C2CD3: variants seen among roughly 807,000 people sequenced by gnomAD.
The protein encoded by C2CD3 is C2 domain containing 3 centriole elongation regulator, also known as C2 domain-containing protein 3.
C2CD3 carries 148 observed loss-of-function variants against 234.0 expected under a neutral mutation model. The ratio of observed to expected loss-of-function variants is 0.63; its 90% CI spans 0.55 to 0.72. The LOEUF (loss-of-function observed/expected upper bound fraction) is 0.72, where lower values mean the gene tolerates loss of function less well. Ranked by LOEUF, C2CD3 falls within the 30% of genes least tolerant of loss-of-function variation. The pLI is 0.00. For missense variants in C2CD3, 2,577 were observed against 2,811.5 expected, an observed-to-expected ratio of 0.92 and a Z score of 1.89; for synonymous variants, 1,000 against 1,035.4, an observed-to-expected ratio of 0.97 and a Z score of 0.66.
At chr11:74,104,760 G>A (rs367727592) in intron 13 of C2CD3, among the ~76,000 whole-genome samples, 7 of 152,054 alleles carry the variant, frequency 4.6e-5, no homozygotes, top group East Asian at 1.9e-4. Flanking sequence ...CTGTTTCTTC[G>A]ATCTGAAATC....
Position 74,033,522 on chromosome 11 carries a change from G to C in C2CD3, c.6638C>G (p.Ala2213Gly), listed in dbSNP as rs775579972. ...AGAGTCACCGAGCTCACTGGTGGCAGCTTCATTCTCAGCTGGGGCCTCTGA... is the reference window on the plus strand; with the variant it reads ...AGAGTCACCGAGCTCACTGGTGGCACCTTCATTCTCAGCTGGGGCCTCTGA... Reference protein sequence around the residue: ...PKSEAPAENEAATSELGDSAD... With the variant: ...PKSEAPAENEGATSELGDSAD... The change falls in exon 31 of 33, where the codon GCT becomes GGT. Residue 2213 changes from alanine to glycine, a missense_variant. Coordinates refer to ENST00000334126, the MANE Select transcript of C2CD3 (RefSeq NM_001286577.2). The C allele has an allele frequency of 6.5e-7, 1 of 1,536,200 alleles. No homozygotes were observed. The highest frequency in any genetic ancestry group is 8.7e-7 in the Non-Finnish European group (1 of 1,146,918).
chr11:74,021,388 G>A (rs952118236), intron 32 of C2CD3, among the ~76,000 whole-genome samples: 9 of 152,244 alleles, frequency 5.9e-5, no homozygotes, highest in Non-Finnish European at 8.8e-5. Context: ...TGTTAAATTT[G>A]AGACATCTAT....
chr11:74,145,498 T>A (rs1855118743), intron 3 of C2CD3, among the ~76,000 whole-genome samples: 2 of 152,176 alleles, frequency 1.3e-5, no homozygotes. Flanking sequence ...TATTTTCTCT[T>A]ATTCTGTAGG....
chr11:74,060,196 G>A (rs942151035), intron 24 of C2CD3, among the ~76,000 whole-genome samples: 1 of 152,244 alleles, frequency 6.6e-6, no homozygotes, highest in African/African-American at 2.4e-5. Context: ...TGGGGGCAGG[G>A]CATAGCTGAA....
intron 7 of C2CD3, among the ~76,000 whole-genome samples, chr11:74,125,041 C>T (rs940120404): frequency 3.9e-5 from 6 of 152,234 alleles, no homozygotes; most frequent in South Asian, 2.1e-4. Flanking sequence ...ATACACATAC[C>T]TATTTTGAAA....
intron 13 of C2CD3, among the ~76,000 whole-genome samples, chr11:74,105,272 A>AT (rs780307644): frequency 4.7e-4 from 69 of 147,428 alleles, no homozygotes; most frequent in South Asian, 1.5e-3. Context: ...GGCTGTGATG[A>AT]TTTTTTTTTT....
At chr11:74,137,726 A>C (rs1957915203) in intron 5 of C2CD3, among the ~76,000 whole-genome samples, 1 of 151,970 alleles carries the variant, frequency 6.6e-6, no homozygotes, top group African/African-American at 2.4e-5. Context: ...TTGGGACTAC[A>C]GGCACCTACC....
chr11:74,157,398 T>C (rs2135565076), intron 3 of C2CD3, among the ~76,000 whole-genome samples: 1 of 152,300 alleles, frequency 6.6e-6, no homozygotes, highest in East Asian at 1.9e-4. Flanking sequence ...TGCAAATTTA[T>C]ATCATCAACA....
rs147822921 is a variant in C2CD3, at chr11:74,082,690, C to T, written c.4000+2191G>A. Among the ~76,000 whole-genome samples, 240 of 152,054 alleles carry T rather than the reference C, an allele frequency of 1.6e-3. 4 individuals carry two copies. The highest frequency in any genetic ancestry group is 9.1e-3 in the South Asian group (44 of 4,818). ...TATGCTGCTGGATTCGCCCCCCTGT[C>T]CCTCCCCCAAAGGGAATAAAATAAC... On this transcript the variant is annotated intron_variant, in intron 22 of 32. Coordinates refer to ENST00000334126, the MANE Select transcript of C2CD3 (RefSeq NM_001286577.2).
At chr11:74,119,160 T>C (rs1342036674) in intron 8 of C2CD3, among the ~76,000 whole-genome samples, 1 of 152,154 alleles carries the variant, frequency 6.6e-6, no homozygotes. Flanking sequence ...TCTGCCCATC[T>C]CAGCCTCCCA....
intron 25 of C2CD3, among the ~76,000 whole-genome samples, chr11:74,056,954 C>T (rs1344930089): frequency 1.4e-5 from 2 of 146,198 alleles, no homozygotes; most frequent in East Asian, 2.0e-4. Context: ...AGGCAAGTCT[C>T]GAACTCCTGG....
chr11:74,102,917 C>G (rs1053316115), intron 14 of C2CD3, among the ~76,000 whole-genome samples: 2 of 152,202 alleles, frequency 1.3e-5, no homozygotes, highest in South Asian at 4.1e-4. Context: ...ACCATGTGAA[C>G]TCAGACAGAA....
At chr11:74,031,214 G>A (rs1442593205) in intron 31 of C2CD3, among the ~76,000 whole-genome samples, 1 of 152,194 alleles carries the variant, frequency 6.6e-6, no homozygotes, top group African/African-American at 2.4e-5. Flanking sequence ...CAACAACCCA[G>A]TAAGTACTAT....
chr11:74,130,622 C>T (rs1957636610), intron 7 of C2CD3, among the ~76,000 whole-genome samples: 2 of 152,174 alleles, frequency 1.3e-5, no homozygotes, highest in Admixed American at 1.3e-4. Context: ...TTGGTCTTCA[C>T]AGCCTTGTCT....
chr11:74,168,758 C>T (rs2135578589), intron 1 of C2CD3, 145 bp from the exon 2 acceptor site: 2 of 713,630 alleles, frequency 2.8e-6, no homozygotes, highest in East Asian at 5.3e-5. Context: ...TTATCCTACC[C>T]ATTATTCTAA....
At chr11:74,074,635 G>A (rs1381615245) in intron 23 of C2CD3, 35 bp from the exon 24 acceptor site, 1 of 1,538,234 alleles carries the variant, frequency 6.5e-7, no homozygotes, top group Admixed American at 1.9e-5. Context: ...GGCTAGTCAA[G>A]CAGGAACCAA....
intron 13 of C2CD3, among the ~76,000 whole-genome samples, chr11:74,104,521 G>C (rs1021672856): frequency 3.3e-5 from 5 of 152,018 alleles, no homozygotes. Flanking sequence ...CATGTATGGG[G>C]GGAGGAGATA....
intron 30 of C2CD3, among the ~76,000 whole-genome samples, chr11:74,035,721 T>C (rs1022457588): frequency 2.6e-5 from 4 of 151,970 alleles, no homozygotes; most frequent in African/African-American, 4.8e-5. Flanking sequence ...TTTTTTTTTT[T>C]GAATGGTTTC....
intron 24 of C2CD3, among the ~76,000 whole-genome samples, chr11:74,068,574 G>A (rs1483973597): frequency 1.3e-5 from 2 of 152,110 alleles, no homozygotes; most frequent in Non-Finnish European, 2.9e-5. Flanking sequence ...CAGCAGAGAG[G>A]ACCAATCACT....
Sources: allele counts gnomAD v4.1 joint callset (sites outside exome capture counted in the v4.1 genomes callset), GRCh38; gene constraint gnomAD v4.1.1; transcripts MANE v1.5; gene names NCBI Gene and HGNC (gene_info 2026-07-23, HGNC 2026-07-21).